The following ATP11C variants were observed in gnomAD, a reference collection of about 807,000 sequenced individuals.
ATP11C encodes the protein ATPase phospholipid transporting 11C (ATP11C blood group), also known as phospholipid-transporting ATPase IG.
In ATP11C, 36 loss-of-function variants were observed where a neutral mutation model predicts 97.4. That is an observed-to-expected ratio of 0.37 (90% CI 0.28 to 0.49). ATP11C has a LOEUF of 0.49. Ranked by LOEUF, ATP11C falls within the 20% of genes least tolerant of loss-of-function variation. The pLI is 0.98. For missense variants in ATP11C, 730 were observed against 824.6 expected (o/e 0.89, Z 1.40); for synonymous variants, 275 against 290.9 (o/e 0.95, Z 0.56).
At chrX:139,786,236 A>G (rs185224371) in intron 15 of ATP11C, among the ~76,000 whole-genome samples, 1 of 111,875 alleles carries the variant, frequency 8.9e-6, no homozygotes, top group East Asian at 2.8e-4. Context: ...AGTGAGAGGA[A>G]ATATTTCCTT....
chrX:139,842,137 T>C (rs2083842683), intron 1 of ATP11C, among the ~76,000 whole-genome samples: 1 of 112,658 alleles, frequency 8.9e-6, no homozygotes, highest in African/African-American at 3.2e-5. Flanking sequence ...GCTCACGCCA[T>C]TCTCCTGCCT....
chrX:139,870,529 G>A (rs895143115), intron 1 of ATP11C, among the ~76,000 whole-genome samples: 1 of 111,812 alleles, frequency 8.9e-6, no homozygotes, highest in Non-Finnish European at 1.9e-5. Context: ...CAAAAATGTA[G>A]AAGGATGTCT....
chrX:139,900,577 T>C (rs2084884678), intron 1 of ATP11C, among the ~76,000 whole-genome samples: 1 of 111,440 alleles, frequency 9.0e-6, no homozygotes, highest in Non-Finnish European at 1.9e-5. Flanking sequence ...GAGGCAGAAG[T>C]TGGAGAACCC....
At chrX:139,755,936 A>G (rs1489384665) in intron 23 of ATP11C, among the ~76,000 whole-genome samples, 1 of 112,658 alleles carries the variant, frequency 8.9e-6, no homozygotes, top group Non-Finnish European at 1.9e-5. Context: ...CATCGCAAAG[A>G]TGCTGAAAGC....
intron 1 of ATP11C, among the ~76,000 whole-genome samples, chrX:139,905,848 C>T (rs2084966166): frequency 9.0e-6 from 1 of 111,647 alleles, no homozygotes; most frequent in Non-Finnish European, 1.9e-5. Flanking sequence ...AATGGAAGAT[C>T]AAGGGCAAAA....
chrX:139,826,957 T>A (rs1310552028), intron 1 of ATP11C, 134 bp from the exon 2 acceptor site: 23 of 619,170 alleles, frequency 3.7e-5, no homozygotes, highest in Non-Finnish European at 5.5e-5. Context: ...GAAAACCTTG[T>A]TAGGGAATTC....
chrX:139,735,323 A>G (rs1050162521), intron 28 of ATP11C, among the ~76,000 whole-genome samples: 2 of 112,190 alleles, frequency 1.8e-5, no homozygotes, highest in Non-Finnish European at 3.8e-5. Context: ...CAAGACCCAC[A>G]TAAGAACAGC....
intron 5 of ATP11C, among the ~76,000 whole-genome samples, chrX:139,814,605 G>C (rs1196928490): frequency 9.0e-6 from 1 of 111,454 alleles, no homozygotes; most frequent in Non-Finnish European, 1.9e-5. Context: ...AAAGAAGCTA[G>C]ACAAAAAGGA....
chrX:139,797,125 G>A (rs1455777589), intron 11 of ATP11C, 51 bp downstream of exon 11: 1 of 1,141,617 alleles, frequency 8.8e-7, no homozygotes, highest in Non-Finnish European at 1.2e-6. Flanking sequence ...TTCAGTGAAG[G>A]TTGGCTCAGT....
intron 1 of ATP11C, among the ~76,000 whole-genome samples, chrX:139,876,328 C>G (rs943821840): frequency 6.2e-5 from 7 of 112,289 alleles, no homozygotes; most frequent in African/African-American, 2.3e-4. Context: ...AAATCACTAT[C>G]TCTAGAAGCA....
At position 139,858,694 on chromosome X, in the gene ATP11C, T is replaced by C. The variant is rs148273750; in HGVS notation, c.28-31871A>G. Among the ~76,000 whole-genome samples, 161 of 112,413 alleles carry C rather than the reference T, an allele frequency of 1.4e-3. 3 individuals carry two copies. The East Asian group carries it at 0.025, about 17-fold the overall frequency. On this transcript the variant is annotated intron_variant, in intron 1 of 29. Coordinates refer to ENST00000682941, the MANE Select transcript of ATP11C (RefSeq NM_001353812.2). ...AACAAAAAAGATATTATTATCCCCA[T>C]TGTACAGATGAGGAAGCCAAGGCAC...
chrX:139,902,917 T>C (rs1054512684), intron 1 of ATP11C, among the ~76,000 whole-genome samples: 7 of 111,310 alleles, frequency 6.3e-5, no homozygotes, highest in African/African-American at 2.3e-4. Flanking sequence ...AATGGGATAT[T>C]GAGGAAAATT....
chrX:139,846,325 T>C (rs2083908215), intron 1 of ATP11C, among the ~76,000 whole-genome samples: 1 of 112,042 alleles, frequency 8.9e-6, no homozygotes, highest in Non-Finnish European at 1.9e-5. Flanking sequence ...TCAGTGGCTA[T>C]AAATCTCAGT....
intron 3 of ATP11C, 143 bp downstream of exon 3, chrX:139,819,195 T>C (rs1013282872): frequency 1.0e-5 from 3 of 294,722 alleles, no homozygotes; most frequent in Admixed American, 6.1e-5. Flanking sequence ...CTTTAAATGT[T>C]ATGTTTCTAC....
At chrX:139,922,272 AT>A (rs1391566190) in intron 1 of ATP11C, among the ~76,000 whole-genome samples, 14 of 71,626 alleles carry the variant, frequency 2.0e-4, no homozygotes, top group Admixed American at 1.2e-3. Context: ...ATATATATGC[AT>A]TTTTTTTAAA....
chrX:139,866,044 C>T (rs1318068751), intron 1 of ATP11C, among the ~76,000 whole-genome samples: 1 of 110,562 alleles, frequency 9.0e-6, no homozygotes, highest in African/African-American at 3.3e-5. Context: ...GACTATTAGT[C>T]CCATTTTAAA....
intron 20 of ATP11C, among the ~76,000 whole-genome samples, chrX:139,765,388 A>G (rs1452856049): frequency 2.7e-5 from 3 of 112,044 alleles, no homozygotes; most frequent in African/African-American, 6.5e-5. Context: ...GAGTACAAGA[A>G]TATTAGATAA....
chrX:139,743,973 A>G (rs376320544), intron 25 of ATP11C, among the ~76,000 whole-genome samples: 1 of 112,300 alleles, frequency 8.9e-6, no homozygotes, highest in Non-Finnish European at 1.9e-5. Context: ...TCATGTCTCT[A>G]AAGAATTTGA....
At chrX:139,807,326 G>A (rs2083066304) in intron 5 of ATP11C, among the ~76,000 whole-genome samples, 1 of 110,885 alleles carries the variant, frequency 9.0e-6, no homozygotes, top group South Asian at 3.9e-4. Context: ...CAAGGTAATG[G>A]CATTCTACCA....
Sources: allele counts gnomAD v4.1 joint callset (sites outside exome capture counted in the v4.1 genomes callset), GRCh38; gene constraint gnomAD v4.1.1; transcripts MANE v1.5; gene names NCBI Gene and HGNC (gene_info 2026-07-23, HGNC 2026-07-21).